Variants in SUMF1 observed in about 807,000 individuals in gnomAD.
SUMF1 encodes the protein sulfatase modifying factor 1.
In SUMF1, 48 loss-of-function variants were observed where a neutral mutation model predicts 47.6. The observed-to-expected ratio is 1.01, with a 90% CI of 0.80 to 1.28. The LOEUF (loss-of-function observed/expected upper bound fraction) is 1.28. Among genes scored for constraint, SUMF1 ranks in the 50% most tolerant of loss-of-function variants. SUMF1 has a pLI of 0.00. For synonymous variants in SUMF1, 230 were observed against 192.1 expected, an observed-to-expected ratio of 1.20 and a Z score of -1.63; for missense variants, 571 against 485.4, an observed-to-expected ratio of 1.18 and a Z score of -1.66.
intron 8 of SUMF1, among the ~76,000 whole-genome samples, chr3:4,286,311 A>T (rs56352714): frequency 6.6e-6 from 1 of 152,114 alleles, no homozygotes; most frequent in African/African-American, 2.4e-5. Flanking sequence ...TGTTATAAAC[A>T]TGAGTTTTCT....
intron 8 of SUMF1, among the ~76,000 whole-genome samples, chr3:4,375,521 A>G (rs968797878): frequency 6.6e-6 from 1 of 152,166 alleles, no homozygotes; most frequent in African/African-American, 2.4e-5. Context: ...CCACTGTTTA[A>G]GACAAAATTT....
intron 8 of SUMF1, among the ~76,000 whole-genome samples, chr3:4,240,903 A>G (rs553000265): frequency 1.3e-5 from 2 of 152,088 alleles, no homozygotes; most frequent in East Asian, 1.9e-4. Flanking sequence ...GACCCTTTAT[A>G]AAGACCTTTA....
chr3:4,424,444 C>T (rs1702002545), intron 3 of SUMF1, among the ~76,000 whole-genome samples: 1 of 152,176 alleles, frequency 6.6e-6, no homozygotes, highest in Admixed American at 6.5e-5. Flanking sequence ...CGTGAACACA[C>T]TGTGGCCAAA....
rs1338090705 is a variant in SUMF1 at position 4,449,262 on chromosome 3, T to G, written c.519+4A>C. 4 of 1,614,168 alleles carry G rather than the reference T, an allele frequency of 2.5e-6. No individual in the cohort carries two copies. The highest frequency in any genetic ancestry group is 3.4e-6 in the Non-Finnish European group (4 of 1,180,000). On this transcript the variant is annotated splice_donor_region_variant and intron_variant, in intron 3 of 8. Coordinates refer to ENST00000272902, the MANE Select transcript of SUMF1 (RefSeq NM_182760.4). ...ATACAGGAGCCTGTTGAAACATTAC[T>G]TACTGCCTGTTGAATATTGGTCTTC...
At chr3:4,257,758 C>A (rs1213245957) in intron 8 of SUMF1, among the ~76,000 whole-genome samples, 1 of 151,964 alleles carries the variant, frequency 6.6e-6, no homozygotes, top group Non-Finnish European at 1.5e-5. Context: ...TTGGAAAAAA[C>A]TACTTTAAAG....
chr3:4,196,785 G>A (rs1390504246), intron 8 of SUMF1, among the ~76,000 whole-genome samples: 3 of 152,136 alleles, frequency 2.0e-5, no homozygotes, highest in Non-Finnish European at 2.9e-5. Flanking sequence ...GCAAAGTGCT[G>A]TTTCATGGGA....
chr3:4,243,395 ATT>A (rs952283387), intron 8 of SUMF1, among the ~76,000 whole-genome samples: 2 of 152,186 alleles, frequency 1.3e-5, no homozygotes, highest in African/African-American at 4.8e-5. Context: ...TCTTGTGGGC[ATT>A]TAGTGCTATA....
chr3:4,164,408 T>A (rs1179374879), intron 8 of SUMF1, among the ~76,000 whole-genome samples: 1 of 152,168 alleles, frequency 6.6e-6, no homozygotes, highest in Admixed American at 6.5e-5. Flanking sequence ...GTTCTGTTGT[T>A]GGATCATCCG....
intron 8 of SUMF1, among the ~76,000 whole-genome samples, chr3:4,193,208 T>A (rs1162223511): frequency 1.3e-5 from 2 of 152,108 alleles, no homozygotes; most frequent in Non-Finnish European, 2.9e-5. Context: ...CATGAAGAAC[T>A]GAAATTTTAT....
At chr3:4,064,840 C>G (rs191425013) in intron 9 of SUMF1, among the ~76,000 whole-genome samples, 1 of 152,288 alleles carries the variant, frequency 6.6e-6, no homozygotes, top group East Asian at 1.9e-4. Flanking sequence ...TGAACAAGTG[C>G]TAAATTTCTT....
intron 7 of SUMF1, among the ~76,000 whole-genome samples, chr3:4,402,240 G>A (rs1224649219): frequency 3.3e-5 from 5 of 152,050 alleles, no homozygotes. Context: ...CAAAAGGCTG[G>A]ACCCTGTCTT....
chr3:4,177,906 T>C (rs964418613), intron 8 of SUMF1, among the ~76,000 whole-genome samples: 13 of 152,194 alleles, frequency 8.5e-5, no homozygotes, highest in East Asian at 1.9e-4. Flanking sequence ...GAGAATACTA[T>C]AAACACCTCT....
At chr3:4,183,863 C>T (rs1221005354) in intron 8 of SUMF1, among the ~76,000 whole-genome samples, 1 of 152,036 alleles carries the variant, frequency 6.6e-6, no homozygotes, top group Non-Finnish European at 1.5e-5. Context: ...GTTAAACCAT[C>T]AAAAGAGGCA....
intron 7 of SUMF1, among the ~76,000 whole-genome samples, chr3:4,404,451 T>C (rs1487044081): frequency 6.6e-6 from 1 of 152,202 alleles, no homozygotes; most frequent in Non-Finnish European, 1.5e-5. Context: ...GTCCTCAGAA[T>C]GTCCTGATTA....
chr3:4,215,261 T>C (rs563477529), intron 8 of SUMF1, among the ~76,000 whole-genome samples: 1 of 152,294 alleles, frequency 6.6e-6, no homozygotes, highest in East Asian at 1.9e-4. Context: ...TCAATAAACA[T>C]AATCCATCAC....
chr3:4,300,860 A>G (rs989844795), intron 8 of SUMF1, among the ~76,000 whole-genome samples: 1 of 151,598 alleles, frequency 6.6e-6, no homozygotes. Context: ...TCTAATCAGT[A>G]GAAAACAAAC....
At chr3:4,195,015 G>A (rs9863507) in intron 8 of SUMF1, among the ~76,000 whole-genome samples, 6,458 of 152,176 alleles carry the variant, frequency 0.042, 223 homozygotes, top group African/African-American at 0.089. Flanking sequence ...AAGCAATTAG[G>A]TCACAGAGCC....
rs1242651685 is a variant in SUMF1 at position 4,238,324 on chromosome 3, T to TGGA, written c.1014+138005_1014+138006insTCC. On this transcript the variant is annotated intron_variant and NMD_transcript_variant, in intron 8 of 12. Coordinates refer to the SUMF1 transcript ENST00000448413. ...GGATTGCTGGGTCAAATGTTATTTC[T>TGGA]GGTTCTAGATCCTTGAGGAATTGCC... 3.9e-5 allele frequency among the ~76,000 whole-genome samples: 6 copies of TGGA among 152,230 alleles called. No homozygotes were observed. In the East Asian group the frequency reaches 1.2e-3, roughly 29 times the overall value.
At chr3:4,056,491 T>C (rs1695194031) in intron 9 of SUMF1, among the ~76,000 whole-genome samples, 1 of 152,036 alleles carries the variant, frequency 6.6e-6, no homozygotes, top group African/African-American at 2.4e-5. Context: ...CTGGGCCGCA[T>C]AGTGAGACTT....
Sources: gnomAD v4.1 joint callset for allele counts (sites outside exome capture counted in the v4.1 genomes callset) on GRCh38, gnomAD v4.1.1 for gene constraint, MANE v1.5 for transcripts, NCBI Gene and HGNC (gene_info 2026-07-23, HGNC 2026-07-21) for gene names.